ANOS1: variants seen among roughly 807,000 people sequenced by gnomAD.
ANOS1 encodes anosmin-1.
In ANOS1, 6 loss-of-function variants were observed where a neutral mutation model predicts 59.0. That is an observed-to-expected ratio of 0.10 (90% CI 0.06 to 0.20). The LOEUF (loss-of-function observed/expected upper bound fraction) is 0.20. ANOS1 is among the 10% of genes least tolerant of loss of function. The pLI is 1.00. For synonymous variants in ANOS1, 217 were observed against 223.4 expected (o/e 0.97, Z 0.25); for missense variants, 433 against 542.3 (o/e 0.80, Z 2.00).
At chrX:8,537,942 A>G (rs1929624696) in intron 10 of ANOS1, among the ~76,000 whole-genome samples, 1 of 111,275 alleles carries the variant, frequency 9.0e-6, no homozygotes, top group Admixed American at 9.6e-5. Context: ...GATTTACTTA[A>G]GTGAGGAGTG....
At position 8,732,083 on chromosome X, in the gene ANOS1, G is replaced by A; in HGVS notation, c.-47C>T. The A allele has an allele frequency of 2.3e-6, 2 of 862,487 alleles. No homozygotes were observed. The highest frequency in any genetic ancestry group is 6.3e-5 in the Admixed American group (1 of 15,940). The allele number at this position is 862,487 out of a possible 1,213,427, so 71.1% of individuals were successfully genotyped here. ...GCGAGGGCGCCGGGCGCGGGCCGAG[G>A]CTCCCTGCTCCGCGCCGGGGCTGCA... On this transcript the variant is annotated 5_prime_UTR_variant, in exon 1 of 14. Transcript: ENST00000262648.
chrX:8,559,656 A>G (rs1286144901), intron 8 of ANOS1, among the ~76,000 whole-genome samples: 1 of 111,175 alleles, frequency 9.0e-6, no homozygotes, highest in Non-Finnish European at 1.9e-5. Context: ...TAATTCCCCA[A>G]ACCTGCTGGT....
At chrX:8,632,929 G>A (rs1441869627) in intron 2 of ANOS1, among the ~76,000 whole-genome samples, 2 of 111,417 alleles carry the variant, frequency 1.8e-5, no homozygotes, top group Non-Finnish European at 3.8e-5. Context: ...TTAGATGAAA[G>A]CTGTTTTTTT....
intron 3 of ANOS1, among the ~76,000 whole-genome samples, chrX:8,611,812 C>G (rs1292265125): frequency 9.0e-6 from 1 of 111,539 alleles, no homozygotes; most frequent in Admixed American, 9.5e-5. Context: ...AGCCAGCAAC[C>G]TAGCATTATA....
chrX:8,722,509 C>A (rs988558178), intron 1 of ANOS1, among the ~76,000 whole-genome samples: 1 of 111,072 alleles, frequency 9.0e-6, no homozygotes, highest in Non-Finnish European at 1.9e-5. Context: ...CCAATCCCAT[C>A]CAGGTTGCTG....
intron 6 of ANOS1, among the ~76,000 whole-genome samples, 170 bp downstream of exon 6, chrX:8,585,097 A>G (rs1394366073): frequency 8.9e-6 from 1 of 112,215 alleles, no homozygotes; most frequent in African/African-American, 3.2e-5. Context: ...TTTTGTCCTT[A>G]GCCATAAATG....
At chrX:8,686,333 T>A (rs1018520489) in intron 2 of ANOS1, among the ~76,000 whole-genome samples, 9 of 111,482 alleles carry the variant, frequency 8.1e-5, no homozygotes, top group Non-Finnish European at 1.3e-4. Flanking sequence ...CCTTTCTCAC[T>A]CTTAAAATAA....
intron 2 of ANOS1, among the ~76,000 whole-genome samples, chrX:8,682,211 A>G (rs1359585497): frequency 9.0e-6 from 1 of 111,123 alleles, no homozygotes; most frequent in Non-Finnish European, 1.9e-5. Context: ...ATATGTAAGC[A>G]AAAAACTACA....
intron 9 of ANOS1, among the ~76,000 whole-genome samples, chrX:8,549,345 G>T (rs190104172): frequency 2.1e-3 from 237 of 112,052 alleles, no homozygotes; most frequent in African/African-American, 7.2e-3. Flanking sequence ...TTTCCTATTT[G>T]TCATGCACTG....
intron 6 of ANOS1, among the ~76,000 whole-genome samples, chrX:8,574,767 C>T (rs985225638): frequency 9.0e-6 from 1 of 111,543 alleles, no homozygotes; most frequent in Non-Finnish European, 1.9e-5. Flanking sequence ...CCTTAGCTTG[C>T]AGATGGCCTA....
chrX:8,710,131 C>T (rs1009931440), intron 1 of ANOS1, among the ~76,000 whole-genome samples: 1 of 110,953 alleles, frequency 9.0e-6, no homozygotes, highest in Non-Finnish European at 1.9e-5. Context: ...GGGGTTTCAC[C>T]GTGCTAGCCA....
chrX:8,597,031 T>C lies in ANOS1; in HGVS notation c.541+3A>G. On this transcript the variant is annotated splice_donor_region_variant and intron_variant, in intron 4 of 13. Coordinates refer to ENST00000262648, the MANE Select transcript of ANOS1 (RefSeq NM_000216.4). The stretch of plus-strand genomic sequence containing the variant: ...TCTTCACACCCCCAGTGCTGCCCCT[T>C]ACCTTTGTACAGAGTCTTGGGTACT... The C allele has an allele frequency of 8.3e-7, 1 of 1,211,866 alleles. No individual in the cohort carries two copies.
chrX:8,613,023 G>A (rs1467643587), intron 3 of ANOS1, among the ~76,000 whole-genome samples: 1 of 111,974 alleles, frequency 8.9e-6, no homozygotes, highest in Admixed American at 9.4e-5. Context: ...TTTAACCTGA[G>A]TACATCATTC....
At chrX:8,590,348 G>T (rs953750900) in intron 4 of ANOS1, among the ~76,000 whole-genome samples, 6 of 99,698 alleles carry the variant, frequency 6.0e-5, no homozygotes, top group East Asian at 2.8e-4. Context: ...TGGTTTTTTT[G>T]TTTGTTTGTT....
chrX:8,616,638 C>T (rs1257465598), intron 3 of ANOS1, among the ~76,000 whole-genome samples: 2 of 111,367 alleles, frequency 1.8e-5, no homozygotes, highest in Non-Finnish European at 3.8e-5. Flanking sequence ...GTGCCTGACA[C>T]ATATCCCACA....
chrX:8,585,525 G>A lies in ANOS1; in HGVS notation c.727-129C>T. ...TCAGTCTGTCTTCCCCCTGATAAGAGGGGCTTATCATGCCCAGTTATGAAG... is the reference window on the plus strand; with the variant it reads ...TCAGTCTGTCTTCCCCCTGATAAGAAGGGCTTATCATGCCCAGTTATGAAG... On this transcript the variant is annotated intron_variant, in intron 5 of 13. Transcript: ENST00000262648. 6.9e-6 allele frequency: 5 copies of A among 727,671 alleles called. No homozygotes were observed. In the South Asian group the frequency reaches 1.1e-4, roughly 17 times the overall value. 60.0% of individuals were successfully genotyped at this position (727,671 alleles called of 1,213,427 possible). A position where few individuals can be genotyped will look rare whatever the true frequency, so the allele number is the denominator to read the frequency against.
intron 8 of ANOS1, 109 bp downstream of exon 8, chrX:8,568,123 C>G: frequency 2.6e-6 from 2 of 774,993 alleles, no homozygotes; most frequent in Non-Finnish European, 3.9e-6. Flanking sequence ...AGAAGATTTG[C>G]CATATAATTA....
intron 1 of ANOS1, among the ~76,000 whole-genome samples, chrX:8,721,714 G>T (rs1271948517): frequency 8.9e-6 from 1 of 112,433 alleles, no homozygotes; most frequent in African/African-American, 3.2e-5. Flanking sequence ...AGATTAGCAA[G>T]AACCAGCAAG....
At chrX:8,647,640 T>TA (rs1046627814) in intron 2 of ANOS1, among the ~76,000 whole-genome samples, 58 of 110,767 alleles carry the variant, frequency 5.2e-4, no homozygotes, top group Non-Finnish European at 8.9e-4. Flanking sequence ...AATCTTTATG[T>TA]AAAAAAAAAG....
Sources: allele counts gnomAD v4.1 joint callset (sites outside exome capture counted in the v4.1 genomes callset), GRCh38; gene constraint gnomAD v4.1.1; transcripts MANE v1.5; gene names NCBI Gene and HGNC (gene_info 2026-07-23, HGNC 2026-07-21).